Variants in DRC9 observed in about 807,000 individuals in gnomAD.
DRC9 encodes dynein regulatory complex subunit 9.
chr3:197,908,238 G>C, the DRC9 span, among the ~76,000 whole-genome samples: 311 of 131,902 alleles, frequency 2.4e-3, 4 homozygotes, highest in Admixed American at 3.6e-3. Flanking sequence ...GAATGTACCA[G>C]GTCTGAAGAG....
the DRC9 span, chr3:197,892,492 A>G: frequency 9.1e-7 from 1 of 1,100,430 alleles, no homozygotes; most frequent in African/African-American, 1.6e-5. Context: ...CCTATTTGCC[A>G]CTCCTTCCTC....
chr3:197,923,235 T>TA, the DRC9 span, among the ~76,000 whole-genome samples: 1 of 152,134 alleles, frequency 6.6e-6, no homozygotes, highest in African/African-American at 2.4e-5. Flanking sequence ...CCTCCTACCT[T>TA]AGCCTCCCAC....
chr3:197,935,700 C>T, the DRC9 span, among the ~76,000 whole-genome samples: 2 of 151,834 alleles, frequency 1.3e-5, no homozygotes, highest in Non-Finnish European at 2.9e-5. Flanking sequence ...CCAGGCTGGT[C>T]TTGAACTCCT....
the DRC9 span, chr3:197,932,298 A>C: frequency 2.5e-5 from 40 of 1,609,726 alleles, no homozygotes; most frequent in East Asian, 2.7e-4. Flanking sequence ...TCGCTGAAAA[A>C]CTGCCTGTAA....
At chr3:197,897,770 CTTTTT>C in the DRC9 span, among the ~76,000 whole-genome samples, 1 of 126,372 alleles carries the variant, frequency 7.9e-6, no homozygotes, top group African/African-American at 3.1e-5. Context: ...AAGCATAAAC[CTTTTT>C]TTTTTTTTTT....
At chr3:197,959,893 T>A in the DRC9 span, 1 of 373,276 alleles carries the variant, frequency 2.7e-6, no homozygotes. Context: ...GGGTTGTATG[T>A]ACGTCTAAAC....
the DRC9 span, among the ~76,000 whole-genome samples, chr3:197,915,443 T>C: frequency 6.6e-6 from 1 of 152,002 alleles, no homozygotes; most frequent in African/African-American, 2.4e-5. Context: ...CCAACTGTCA[T>C]GGGAATCCTT....
the DRC9 span, among the ~76,000 whole-genome samples, chr3:197,946,230 TCGA>T: frequency 1.3e-4 from 20 of 151,506 alleles, no homozygotes; most frequent in Non-Finnish European, 1.8e-4. Flanking sequence ...GGTCAGGAGA[TCGA>T]GACCATCCTG....
At chr3:197,890,668 T>C in the DRC9 span, among the ~76,000 whole-genome samples, 1 of 152,228 alleles carries the variant, frequency 6.6e-6, no homozygotes, top group African/African-American at 2.4e-5. Flanking sequence ...AGCTCGTTCT[T>C]AACATGTTTG....
At chr3:197,951,509 C>G in the DRC9 span, 1 of 586,376 alleles carries the variant, frequency 1.7e-6, no homozygotes, top group South Asian at 1.9e-5. Flanking sequence ...CCGGCCACCA[C>G]GCCCGGCTAG....
At chr3:197,951,519 G>GT in the DRC9 span, 2 of 557,140 alleles carry the variant, frequency 3.6e-6, no homozygotes, top group African/African-American at 3.8e-5. Context: ...CGCCCGGCTA[G>GT]TTTTTGTATT....
the DRC9 span, among the ~76,000 whole-genome samples, chr3:197,912,232 G>A: frequency 6.6e-6 from 1 of 151,464 alleles, no homozygotes; most frequent in Non-Finnish European, 1.5e-5. Context: ...TAGAAACAGG[G>A]TTTCACCATA....
At chr3:197,927,325 C>T in the DRC9 span, among the ~76,000 whole-genome samples, 2 of 152,204 alleles carry the variant, frequency 1.3e-5, no homozygotes, top group East Asian at 3.8e-4. Context: ...CTCCCGGGTT[C>T]AAGCAATTCT....
the DRC9 span, among the ~76,000 whole-genome samples, chr3:197,923,595 G>A: frequency 6.6e-6 from 1 of 152,104 alleles, no homozygotes; most frequent in Admixed American, 6.5e-5. Flanking sequence ...TCTGGGTGTG[G>A]TGGCAGGTGC....
chr3:197,912,829 G>A, the DRC9 span: 8 of 1,154,136 alleles, frequency 6.9e-6, no homozygotes, highest in South Asian at 6.3e-5. Flanking sequence ...GCAGCAGCTC[G>A]GTCGGTAGCT....
chr3:197,934,823 T>TA, the DRC9 span, among the ~76,000 whole-genome samples: 6,521 of 89,136 alleles, frequency 0.073, 292 homozygotes, highest in African/African-American at 0.13. Context: ...TCACAAAAAT[T>TA]AAAAAAAAAA....
the DRC9 span, chr3:197,894,628 C>T: frequency 6.6e-6 from 1 of 152,072 alleles, no homozygotes. Context: ...TTTCTAGAAA[C>T]AAAAAATTTA....
chr3:197,926,616 G>A, the DRC9 span, among the ~76,000 whole-genome samples: 1 of 152,110 alleles, frequency 6.6e-6, no homozygotes, highest in Non-Finnish European at 1.5e-5. Flanking sequence ...CAAGGGTCCC[G>A]GCTTCTAGGC....
chr3:197,942,516 T>G, the DRC9 span, among the ~76,000 whole-genome samples: 1 of 151,490 alleles, frequency 6.6e-6, no homozygotes, highest in African/African-American at 2.4e-5. Flanking sequence ...AAATATGGAC[T>G]TTACTGTTAG....
Sources: gnomAD v4.1 joint callset for allele counts (sites outside exome capture counted in the v4.1 genomes callset) on GRCh38, gnomAD v4.1.1 for gene constraint, MANE v1.5 for transcripts, NCBI Gene and HGNC (gene_info 2026-07-23, HGNC 2026-07-21) for gene names.